Variants in CLTCL1 observed in about 807,000 individuals in gnomAD.
The protein encoded by CLTCL1 is clathrin heavy chain like 1.
Under a neutral mutation model 190.0 loss-of-function variants are expected in CLTCL1, and 159 were observed. That is an observed-to-expected ratio of 0.84 (90% CI 0.74 to 0.95). CLTCL1 has a LOEUF of 0.95. CLTCL1 is among the 40% of genes least tolerant of loss of function. The pLI is 0.00. For synonymous variants in CLTCL1, 752 were observed against 769.6 expected, an observed-to-expected ratio of 0.98 and a Z score of 0.38; for missense variants, 1,878 against 2,033.4, an observed-to-expected ratio of 0.92 and a Z score of 1.47.
In CLTCL1 at chr22:19,209,149, C is replaced by T. The variant is rs1555945045; in HGVS notation, c.3250-35G>A. 2.6e-6 allele frequency: 4 copies of T among 1,525,572 alleles called. No homozygotes were observed. In the East Asian group the frequency reaches 7.2e-5, roughly 27 times the overall value. The allele number at this position is 1,525,572 out of a possible 1,614,324, so 94.5% of individuals were successfully genotyped here. On this transcript the variant is annotated intron_variant, in intron 20 of 32. Transcript: ENST00000427926. Reference sequence around the variant, plus strand: ...ATGAGAGGACTTCCATTCTCTGCAACATCTAGTCAGCTCCAAAAAACAGAC... The same window carrying T: ...ATGAGAGGACTTCCATTCTCTGCAATATCTAGTCAGCTCCAAAAAACAGAC...
intron 10 of CLTCL1, among the ~76,000 whole-genome samples, chr22:19,231,784 A>G (rs1555959210): frequency 6.6e-6 from 1 of 152,220 alleles, no homozygotes; most frequent in Non-Finnish European, 1.5e-5. Flanking sequence ...ACTGTAAACA[A>G]GATGTGAACT....
rs1569188563 is a variant in CLTCL1 at position 19,221,545 on chromosome 22, G to T, written c.2628C>A (p.His876Gln). ...CGATGTAGATTTTAGCCAGTGCATT[G>T]TGAGTGGCAGGCTCCTCACAGCCTT... ...IQEGCEEPAT[H>Q]NALAKIYIDS... is the part of the protein sequence containing the mutation. Residue 876 changes from histidine (H) to glutamine (Q), a missense_variant, in exon 17 of 33, where the codon CAC becomes CAA. By Grantham distance (24) the His-to-Gln change is conservative. Coordinates refer to ENST00000427926, the MANE Select transcript of CLTCL1 (RefSeq NM_007098.4). 5 of 1,605,696 alleles carry T rather than the reference G, an allele frequency of 3.1e-6. No individual in the cohort carries two copies. The highest frequency in any genetic ancestry group is 3.4e-6 in the Non-Finnish European group (4 of 1,175,996).
Position 19,234,577 on chromosome 22 carries a change from T to A in CLTCL1, c.1099A>T (p.Lys367Ter). Residue 367 changes from lysine to a stop codon, truncating the protein, a stop_gained, in exon 7 of 33, where the codon AAA becomes TAA. Transcript: ENST00000427926. LOFTEE classifies it high-confidence loss of function. ...LAGAEKLFVR[K>*]FNTLFAQGSY... ...CCCTGTGCAAAGAGGGTATTGAATT[T>A]TCTCACAAACAACTTCTCTGCCCCA... The A allele has an allele frequency of 1.2e-6, 2 of 1,613,992 alleles. No individual in the cohort carries two copies. Among genetic ancestry groups the A allele is most frequent in the Non-Finnish European group, 1.7e-6 (2 of 1,179,880 alleles).
intron 2 of CLTCL1, chr22:19,258,691 G>A: frequency 1.5e-6 from 1 of 672,108 alleles, no homozygotes; most frequent in Admixed American, 1.9e-5. Context: ...TTCAATCTTG[G>A]TGAGGCCCTA....
intron 1 of CLTCL1, among the ~76,000 whole-genome samples, chr22:19,279,521 C>G (rs527542889): frequency 1.3e-5 from 2 of 152,276 alleles, no homozygotes; most frequent in African/African-American, 4.8e-5. Flanking sequence ...TTTGTGAGCC[C>G]TTTGAAAAGA....
chr22:19,279,585 A>C (rs1601728768), intron 1 of CLTCL1, among the ~76,000 whole-genome samples: 1 of 152,290 alleles, frequency 6.6e-6, no homozygotes, highest in East Asian at 1.9e-4. Flanking sequence ...ATGCCAAACC[A>C]ATCTAATTTT....
intron 26 of CLTCL1, among the ~76,000 whole-genome samples, chr22:19,193,649 T>C (rs1555933795): frequency 6.6e-6 from 1 of 152,240 alleles, no homozygotes; most frequent in African/African-American, 2.4e-5. Flanking sequence ...GGCAGGCGGA[T>C]TGTGTCTGTA....
At chr22:19,215,280 C>A (rs184731727) in intron 19 of CLTCL1, among the ~76,000 whole-genome samples, 36 of 152,336 alleles carry the variant, frequency 2.4e-4, no homozygotes, top group African/African-American at 7.0e-4. Flanking sequence ...AACACACACA[C>A]AAATTCCTCT....
chr22:19,270,468 C>T (rs1174633930), intron 2 of CLTCL1, among the ~76,000 whole-genome samples: 1 of 150,902 alleles, frequency 6.6e-6, no homozygotes, highest in Non-Finnish European at 1.5e-5. Flanking sequence ...TGGCTCATGC[C>T]TGTAATCCCA....
intron 1 of CLTCL1, among the ~76,000 whole-genome samples, chr22:19,278,760 G>C (rs1349081446): frequency 4.6e-5 from 7 of 152,138 alleles, no homozygotes; most frequent in African/African-American, 1.7e-4. Flanking sequence ...CTTTGTTTTT[G>C]AGACGGAGTC....
chr22:19,257,862 G>A (rs1555973487), intron 2 of CLTCL1: 2 of 1,407,584 alleles, frequency 1.4e-6, no homozygotes, highest in Admixed American at 3.7e-5. Flanking sequence ...CAAAAACCGG[G>A]AGCACCTGGA....
At chr22:19,279,969 C>T (rs1384422349) in intron 1 of CLTCL1, among the ~76,000 whole-genome samples, 2 of 152,120 alleles carry the variant, frequency 1.3e-5, no homozygotes, top group Non-Finnish European at 2.9e-5. Context: ...CTGCCAGGGC[C>T]CAGAGCTCTG....
rs902909267 is a variant in CLTCL1 at position 19,236,248 on chromosome 22, A to G, written c.796-379T>C. 8.6e-5 allele frequency among the ~76,000 whole-genome samples: 13 copies of G among 152,016 alleles called. No individual in the cohort carries two copies. In the South Asian group the frequency reaches 1.5e-3, roughly 17 times the overall value. ...TTTAAAGACAATATTTTGTCCAACC[A>G]CTCTCAAATAAAGGTCCAATAAACT... On this transcript the variant is annotated intron_variant, in intron 5 of 32. Coordinates refer to ENST00000427926, the MANE Select transcript of CLTCL1 (RefSeq NM_007098.4).
rs201586369 is a variant in CLTCL1 at position 19,211,825 on chromosome 22, TA to T, written c.3066-1317del. 5.2e-4 allele frequency among the ~76,000 whole-genome samples: 69 copies of T among 133,364 alleles called. 1 individual carries two copies. The highest frequency in any genetic ancestry group is 1.8e-3 in the African/African-American group (61 of 34,846). The allele number at this position is 133,364 out of a possible 152,430, so 87.5% of individuals were successfully genotyped here. A position where few individuals can be genotyped will look rare whatever the true frequency, so the allele number is the denominator to read the frequency against. ...CCAATTTGCAGCCAACATGATTGAT[TA>T]AAAAAAACTGAAGAAATCTACAAAA... On this transcript the variant is annotated intron_variant, in intron 19 of 32. Coordinates refer to ENST00000427926, the MANE Select transcript of CLTCL1 (RefSeq NM_007098.4).
At chr22:19,208,065 G>T in intron 22 of CLTCL1, 89 bp downstream of exon 22, 1 of 1,527,128 alleles carries the variant, frequency 6.5e-7, no homozygotes, top group Non-Finnish European at 9.0e-7. Flanking sequence ...AGTCCCTGGT[G>T]CCAAAACAGC....
intron 4 of CLTCL1, among the ~76,000 whole-genome samples, chr22:19,240,578 C>T (rs16983575): frequency 0.011 from 1,720 of 152,268 alleles, 31 homozygotes; most frequent in African/African-American, 0.038. Context: ...AAGTCTTGCA[C>T]TGGGAGCTTT....
chr22:19,259,414 C>A (rs1400820068), intron 2 of CLTCL1, among the ~76,000 whole-genome samples: 1 of 151,644 alleles, frequency 6.6e-6, no homozygotes, highest in African/African-American at 2.4e-5. Context: ...ACAACAACAA[C>A]AAAAAAAATC....
chr22:19,211,731 C>T (rs1281865173), intron 19 of CLTCL1, among the ~76,000 whole-genome samples: 4 of 144,536 alleles, frequency 2.8e-5, no homozygotes, highest in Admixed American at 1.4e-4. Flanking sequence ...TGCGCCACTG[C>T]ACTCCAGCCT....
intron 3 of CLTCL1, among the ~76,000 whole-genome samples, chr22:19,251,908 T>C (rs1033174100): frequency 2.6e-5 from 4 of 152,240 alleles, no homozygotes; most frequent in Non-Finnish European, 5.9e-5. Flanking sequence ...AGTAAGATGT[T>C]AGTTGTATTT....
Sources: gnomAD v4.1 joint callset for allele counts (sites outside exome capture counted in the v4.1 genomes callset) on GRCh38, gnomAD v4.1.1 for gene constraint, MANE v1.5 for transcripts, NCBI Gene and HGNC (gene_info 2026-07-23, HGNC 2026-07-21) for gene names.